Variants in CLIP1 observed in about 807,000 individuals in gnomAD.
The protein encoded by CLIP1 is CAP-Gly domain containing linker protein 1.
Under a neutral mutation model 161.6 loss-of-function variants are expected in CLIP1, and 66 were observed. That is an observed-to-expected ratio of 0.41 (90% CI 0.33 to 0.50). CLIP1 has a LOEUF of 0.50. Ranked by LOEUF, CLIP1 falls within the 20% of genes least tolerant of loss-of-function variation. The pLI, the probability that CLIP1 is intolerant of heterozygous loss-of-function variation, is 0.27. For synonymous variants in CLIP1, 598 were observed against 626.2 expected, an observed-to-expected ratio of 0.96 and a Z score of 0.67; for missense variants, 1,376 against 1,702.0, an observed-to-expected ratio of 0.81 and a Z score of 3.37.
intron 5 of CLIP1, among the ~76,000 whole-genome samples, chr12:122,358,246 T>C (rs1953589912): frequency 6.6e-6 from 1 of 151,150 alleles, no homozygotes; most frequent in African/African-American, 2.4e-5. Flanking sequence ...GGCAGCATGC[T>C]CGTTAAGAGT....
chr12:122,289,216 G>A (rs1047958983), intron 20 of CLIP1, among the ~76,000 whole-genome samples: 1 of 151,920 alleles, frequency 6.6e-6, no homozygotes, highest in Non-Finnish European at 1.5e-5. Context: ...CGGATCAGGA[G>A]TTCGAGCCCA....
chr12:122,377,977 A>G lies in CLIP1; in HGVS notation c.86-17T>C, dbSNP rs904330694. ...GAGCTACAACTGAAAACAAAAGATC[A>G]TAAGAGATTCGATTTAATTTTCAAG... On this transcript the variant is annotated splice_polypyrimidine_tract_variant and intron_variant, in intron 2 of 25. Transcript: ENST00000620786. 2.6e-5 allele frequency: 40 copies of G among 1,564,226 alleles called. No homozygotes were observed. Among genetic ancestry groups the G allele is most frequent in the African/African-American group, 4.1e-5 (3 of 72,520 alleles).
Position 122,341,256 on chromosome 12 carries a change from C to T in CLIP1, c.1948G>A (p.Gly650Arg). The T allele has an allele frequency of 1.2e-6, 2 of 1,614,038 alleles. No homozygotes were observed. The highest frequency in any genetic ancestry group is 1.7e-6 in the Non-Finnish European group (2 of 1,180,002). ...ELKVSFSKGL[G>R]TETAEFAELK... The stretch of plus-strand genomic sequence containing the variant: ...TCAGCAAATTCTGCCGTCTCTGTTC[C>T]AAGCCCTTTGCTGAAAGATACCTTC... Residue 650 changes from glycine to arginine, a missense_variant, in exon 11 of 26, where the codon GGA becomes AGA. By Grantham distance (125) the Gly-to-Arg change is moderately radical. Around this residue, in one of 6 missense-constraint regions of CLIP1, gnomAD observed 948 missense variants for 1,134.8 expected, o/e 0.84. Transcript: ENST00000620786.
intron 1 of CLIP1, among the ~76,000 whole-genome samples, chr12:122,409,538 T>G (rs1008569832): frequency 6.6e-6 from 1 of 152,094 alleles, no homozygotes; most frequent in African/African-American, 2.4e-5. Flanking sequence ...CATTTGGATT[T>G]TAATTTTTTT....
chr12:122,361,323 G>A (rs1467897849), intron 4 of CLIP1, 142 bp from the exon 5 acceptor site: 4 of 666,466 alleles, frequency 6.0e-6, no homozygotes, highest in South Asian at 3.9e-5. Flanking sequence ...ACACCAGCAC[G>A]TAGCAGTCAC....
At chr12:122,337,431 G>T (rs1952278930) in intron 11 of CLIP1, among the ~76,000 whole-genome samples, 1 of 144,242 alleles carries the variant, frequency 6.9e-6, no homozygotes, top group African/African-American at 2.6e-5. Context: ...GGGTGACACA[G>T]TGGGACTCTG....
chr12:122,316,637 G>T, intron 19 of CLIP1, 112 bp downstream of exon 19: 1 of 666,232 alleles, frequency 1.5e-6, no homozygotes, highest in Non-Finnish European at 2.5e-6. Context: ...AATAGAGTCT[G>T]CATACGTTTA....
intron 3 of CLIP1, among the ~76,000 whole-genome samples, chr12:122,365,966 AC>A (rs1954142547): frequency 6.6e-6 from 1 of 151,982 alleles, no homozygotes; most frequent in Non-Finnish European, 1.5e-5. Flanking sequence ...CCACAGTTGT[AC>A]CACTGCACTC....
Position 122,309,875 on chromosome 12 carries a change from G to A in CLIP1, c.3481C>T (p.Leu1161=). The change falls in exon 20 of 26, where the codon CTA becomes TTA. Residue 1161 remains leucine, a synonymous_variant. Coordinates refer to ENST00000620786, the MANE Select transcript of CLIP1 (RefSeq NM_001247997.2). ...MEEFRKEIET[L]KQAAAQKSQQ... ...GACTTCTGAGCTGCTGCCTGCTTTA[G>A]GGTTTCTCTGCAAGGACAGTGAGTG... 6.2e-7 allele frequency: 1 copy of A among 1,614,054 alleles called. No homozygotes were observed. The highest frequency in any genetic ancestry group is 8.5e-7 in the Non-Finnish European group (1 of 1,180,028).
chr12:122,337,719 G>C (rs1376509410), intron 11 of CLIP1, among the ~76,000 whole-genome samples: 1 of 151,930 alleles, frequency 6.6e-6, no homozygotes, highest in African/African-American at 2.4e-5. Flanking sequence ...TCATTTCCTA[G>C]ACTTTAAAAA....
At chr12:122,421,742 G>A (rs1956950038) in intron 1 of CLIP1, among the ~76,000 whole-genome samples, 1 of 152,200 alleles carries the variant, frequency 6.6e-6, no homozygotes. Context: ...GAAACAGCCG[G>A]ATTCAGGATT....
chr12:122,356,002 C>T (rs895769554), intron 5 of CLIP1: 1 of 152,320 alleles, frequency 6.6e-6, no homozygotes, highest in African/African-American at 2.4e-5. Flanking sequence ...TAGGCCCTTA[C>T]TGCAAGATGC....
In CLIP1 at chr12:122,377,629, T is replaced by G; in HGVS notation, c.417A>C (p.Thr139=). The part of the protein sequence containing the change: ...QAEDEANGLQ[T]TPASRATSPL... ...GTGAAGTAGCTCGGGAGGCGGGCGT[T>G]GTCTGCAGGCCATTAGCTTCATCTT... Residue 139 remains threonine, a synonymous_variant, in exon 3 of 26, where the codon ACA becomes ACC. Coordinates refer to ENST00000620786, the MANE Select transcript of CLIP1 (RefSeq NM_001247997.2). 1 of 1,613,848 alleles carries G rather than the reference T, an allele frequency of 6.2e-7. No individual in the cohort carries two copies.
At chr12:122,350,407 T>C (rs1327626149) in intron 9 of CLIP1, among the ~76,000 whole-genome samples, 1 of 152,092 alleles carries the variant, frequency 6.6e-6, no homozygotes, top group Non-Finnish European at 1.5e-5. Flanking sequence ...GTGTTTGAAC[T>C]TGGAGGAAGA....
chr12:122,390,320 TA>T (rs1277236551), intron 1 of CLIP1, among the ~76,000 whole-genome samples: 79 of 124,734 alleles, frequency 6.3e-4, no homozygotes, highest in Non-Finnish European at 6.8e-4. Context: ...ATATATATAT[TA>T]TTTTTTTTTT....
In CLIP1 at chr12:122,365,253, A is replaced by T. The variant is rs114387181; in HGVS notation, c.658-1146T>A. 1.8e-3 allele frequency: 1,003 copies of T among 546,066 alleles called. 34 individuals carry two copies. The highest frequency in any genetic ancestry group is 0.018 in the African/African-American group (916 of 50,468). 33.8% of individuals were successfully genotyped at this position (546,066 alleles called of 1,614,324 possible). A position where few individuals can be genotyped will look rare whatever the true frequency, so the allele number is the denominator to read the frequency against. ...AGTATAATAATAATAAAATAAAAAT[A>T]AAAAAAAGAAAGGTGATATTGTAGA... On this transcript the variant is annotated intron_variant, in intron 3 of 25. Transcript: ENST00000620786.
At chr12:122,289,201 A>G (rs764797714) in intron 20 of CLIP1, among the ~76,000 whole-genome samples, 2 of 151,658 alleles carry the variant, frequency 1.3e-5, no homozygotes, top group Non-Finnish European at 2.9e-5. Flanking sequence ...GTGGGGCAAG[A>G]TGGGCGGATC....
chr12:122,394,863 A>G lies in CLIP1; in HGVS notation c.-106-14305T>C, dbSNP rs1593238095. The stretch of plus-strand genomic sequence containing the variant: ...TGAGACTCCGGCTCAAAAATAAAAA[A>G]AAAGAAGGACAATCCTTTAAAAAGT... On this transcript the variant is annotated intron_variant, in intron 1 of 25. Coordinates refer to ENST00000620786, the MANE Select transcript of CLIP1 (RefSeq NM_001247997.2). Among the ~76,000 whole-genome samples, 3 of 152,210 alleles carry G rather than the reference A, an allele frequency of 2.0e-5. No individual in the cohort carries two copies. In the East Asian group the frequency reaches 5.8e-4, roughly 29 times the overall value.
chr12:122,354,415 A>G (rs1023711649), intron 7 of CLIP1, 38 bp downstream of exon 7: 29 of 1,533,620 alleles, frequency 1.9e-5, no homozygotes, highest in Non-Finnish European at 2.3e-5. Context: ...AAAAAGGGGG[A>G]AAGGCCACAC....
Sources: gnomAD v4.1 joint callset for allele counts (sites outside exome capture counted in the v4.1 genomes callset) on GRCh38, gnomAD v4.1.1 for gene constraint, gnomAD v4.1.1 regional missense constraint, MANE v1.5 for transcripts, NCBI Gene and HGNC (gene_info 2026-07-23, HGNC 2026-07-21) for gene names.